Variants in XYLT1 observed in about 807,000 individuals in gnomAD.
XYLT1 encodes xylosyltransferase 1, also known as beta-D-xylosyltransferase 1.
In XYLT1, 36 loss-of-function variants were observed where a neutral mutation model predicts 91.3. The ratio of observed to expected loss-of-function variants is 0.39; its 90% CI spans 0.30 to 0.52. The LOEUF (loss-of-function observed/expected upper bound fraction) is 0.52, where lower values mean the gene tolerates loss of function less well. XYLT1 is among the 20% of genes least tolerant of loss of function. XYLT1 has a pLI of 0.68. For synonymous variants in XYLT1, 588 were observed against 532.0 expected (o/e 1.11, Z -1.45); for missense variants, 1,242 against 1,284.5 (o/e 0.97, Z 0.51).
At chr16:17,149,514 C>T (rs2031230716) in intron 6 of XYLT1, among the ~76,000 whole-genome samples, 1 of 152,174 alleles carries the variant, frequency 6.6e-6, no homozygotes, top group Admixed American at 6.5e-5. Context: ...ATTACTCCTT[C>T]AGCATAAGTA....
At chr16:17,282,237 A>C (rs1241591603) in intron 2 of XYLT1, among the ~76,000 whole-genome samples, 1 of 152,168 alleles carries the variant, frequency 6.6e-6, no homozygotes, top group East Asian at 1.9e-4. Flanking sequence ...AGGGAATAAA[A>C]TACCTTACTG....
In XYLT1 at chr16:17,102,370, AAC is replaced by A. The variant is rs1395609630; in HGVS notation, c.*6323_*6324del. The A allele has an allele frequency of 6.6e-6, 1 of 152,648 alleles. No homozygotes were observed. Among genetic ancestry groups the A allele is most frequent in the African/African-American group, 2.4e-5 (1 of 41,452 alleles). 9.5% of individuals were successfully genotyped at this position (152,648 alleles called of 1,614,324 possible). ...TTAATTTTAAAATTCTGCATCTGAA[AAC>A]ACAGTATGACAGAAAGCATCTATAT... On this transcript the variant is annotated 3_prime_UTR_variant, in exon 12 of 12. Coordinates refer to ENST00000261381, the MANE Select transcript of XYLT1 (RefSeq NM_022166.4).
At chr16:17,377,591 G>A (rs1000285779) in intron 1 of XYLT1, among the ~76,000 whole-genome samples, 2 of 151,586 alleles carry the variant, frequency 1.3e-5, no homozygotes, top group Non-Finnish European at 2.9e-5. Flanking sequence ...CAGGAAAGCT[G>A]GACGACCCTG....
chr16:17,415,761 A>G (rs2036172474), intron 1 of XYLT1, among the ~76,000 whole-genome samples: 1 of 152,160 alleles, frequency 6.6e-6, no homozygotes, highest in Non-Finnish European at 1.5e-5. Context: ...ATGGAGGAAA[A>G]GGAGAAGCTG....
chr16:17,151,615 T>C (rs1357646599), intron 6 of XYLT1, among the ~76,000 whole-genome samples: 1 of 152,142 alleles, frequency 6.6e-6, no homozygotes, highest in Non-Finnish European at 1.5e-5. Context: ...CTTAGGATAA[T>C]CAGTGGCACA....
intron 1 of XYLT1, among the ~76,000 whole-genome samples, chr16:17,408,191 G>A (rs1383739904): frequency 6.6e-6 from 1 of 152,112 alleles, no homozygotes; most frequent in East Asian, 1.9e-4. Flanking sequence ...CACCTGCCCT[G>A]GAAAATGGGT....
chr16:17,141,819 G>A (rs893190456), intron 6 of XYLT1, among the ~76,000 whole-genome samples: 2 of 152,174 alleles, frequency 1.3e-5, no homozygotes, highest in African/African-American at 4.8e-5. Context: ...ATGAAACAGC[G>A]AAAAATAAAA....
intron 2 of XYLT1, among the ~76,000 whole-genome samples, chr16:17,266,907 T>C (rs1414266287): frequency 6.6e-6 from 1 of 152,188 alleles, no homozygotes; most frequent in Admixed American, 6.5e-5. Context: ...AATTAGAACA[T>C]GCAATTACCC....
At chr16:17,325,659 C>T (rs2034789911) in intron 2 of XYLT1, among the ~76,000 whole-genome samples, 1 of 152,042 alleles carries the variant, frequency 6.6e-6, no homozygotes, top group Non-Finnish European at 1.5e-5. Flanking sequence ...GGTCATTTTC[C>T]AAATTTCCAA....
At chr16:17,300,520 G>A (rs113855207) in intron 2 of XYLT1, among the ~76,000 whole-genome samples, 2,736 of 130,356 alleles carry the variant, frequency 0.021, 39 homozygotes, top group Non-Finnish European at 0.027. Context: ...GCAGCGGCAC[G>A]ATCTCGGCTC....
chr16:17,221,129 T>G (rs1395197350), intron 3 of XYLT1, among the ~76,000 whole-genome samples: 2 of 152,148 alleles, frequency 1.3e-5, no homozygotes, highest in African/African-American at 4.8e-5. Flanking sequence ...ACATATTGTT[T>G]GGGGTCCTCG....
chr16:17,335,653 C>T (rs1157437879), intron 2 of XYLT1, among the ~76,000 whole-genome samples: 2 of 146,738 alleles, frequency 1.4e-5, no homozygotes, highest in Non-Finnish European at 3.0e-5. Flanking sequence ...GAGATAGCGT[C>T]ATTGCACTCT....
At chr16:17,322,441 G>C (rs1417445020) in intron 2 of XYLT1, among the ~76,000 whole-genome samples, 1 of 152,166 alleles carries the variant, frequency 6.6e-6, no homozygotes, top group Non-Finnish European at 1.5e-5. Flanking sequence ...GAGTGCTGCA[G>C]TGTCCTTTGA....
At chr16:17,229,132 G>A (rs1483694575) in intron 3 of XYLT1, among the ~76,000 whole-genome samples, 1 of 152,110 alleles carries the variant, frequency 6.6e-6, no homozygotes. Flanking sequence ...ACCAAGCCCG[G>A]CTAATTTTTG....
chr16:17,265,046 G>C (rs2033783599), intron 2 of XYLT1, among the ~76,000 whole-genome samples: 1 of 152,086 alleles, frequency 6.6e-6, no homozygotes, highest in African/African-American at 2.4e-5. Flanking sequence ...AAATTAGCTG[G>C]GCGTGGTGGC....
chr16:17,446,398 G>A (rs926804566), intron 1 of XYLT1: 2 of 152,164 alleles, frequency 1.3e-5, no homozygotes, highest in Non-Finnish European at 2.9e-5. Flanking sequence ...AGGGACCACT[G>A]TCATCCTCAC....
At chr16:17,427,939 C>A (rs2036339565) in intron 1 of XYLT1, among the ~76,000 whole-genome samples, 1 of 151,988 alleles carries the variant, frequency 6.6e-6, no homozygotes, top group Non-Finnish European at 1.5e-5. Flanking sequence ...AATTTCAATC[C>A]ACACCTAACT....
Position 17,333,939 on chromosome 16 carries a change from G to A in XYLT1, c.402+24073C>T, listed in dbSNP as rs187768401. 6.0e-4 allele frequency among the ~76,000 whole-genome samples: 92 copies of A among 152,266 alleles called. 2 individuals are homozygous for A. The highest frequency in any genetic ancestry group is 2.2e-3 in the African/African-American group (91 of 41,542). Reference sequence around the variant, plus strand: ...AGAGTATTAAGTGGTGGGTCCTTTAGGAGGTGATCAGGCCAGAAGAGTTCC... The same window carrying A: ...AGAGTATTAAGTGGTGGGTCCTTTAAGAGGTGATCAGGCCAGAAGAGTTCC... On this transcript the variant is annotated intron_variant, in intron 2 of 11. Coordinates refer to ENST00000261381, the MANE Select transcript of XYLT1 (RefSeq NM_022166.4).
intron 2 of XYLT1, among the ~76,000 whole-genome samples, chr16:17,341,286 T>C (rs1166708430): frequency 6.6e-6 from 1 of 152,180 alleles, no homozygotes; most frequent in Non-Finnish European, 1.5e-5. Flanking sequence ...AAATATTTAG[T>C]GCATTTAATT....
Sources: allele counts gnomAD v4.1 joint callset (sites outside exome capture counted in the v4.1 genomes callset), GRCh38; gene constraint gnomAD v4.1.1; transcripts MANE v1.5; gene names NCBI Gene and HGNC (gene_info 2026-07-23, HGNC 2026-07-21).